The following KCNK9 variants were observed in gnomAD, a reference collection of about 807,000 sequenced individuals.
KCNK9 encodes the protein potassium channel subfamily K member 9.
KCNK9 carries 1 observed loss-of-function variant against 10.8 expected under a neutral mutation model. The ratio of observed to expected loss-of-function variants is 0.09; its 90% CI spans 0.03 to 0.44. The LOEUF is 0.44. Ranked by LOEUF, KCNK9 falls within the 20% of genes least tolerant of loss-of-function variation. The pLI is 0.97. For synonymous variants in KCNK9, 231 were observed against 222.7 expected (o/e 1.04, Z -0.33); for missense variants, 303 against 515.0 (o/e 0.59, Z 3.98).
downstream of KCNK9, among the ~76,000 whole-genome samples, chr8:139,609,427 T>C (rs924297159): frequency 6.6e-6 from 1 of 152,148 alleles, no homozygotes; most frequent in African/African-American, 2.4e-5. Flanking sequence ...GGGGACATAT[T>C]CTCCCAGGAA....
At position 139,693,314 on chromosome 8, in the gene KCNK9, G is replaced by C. The variant is rs1816974540; in HGVS notation, c.283+9396C>G. 1.3e-5 allele frequency among the ~76,000 whole-genome samples: 2 copies of C among 152,136 alleles called. No individual in the cohort carries two copies. Among genetic ancestry groups the C allele is most frequent in the Non-Finnish European group, 2.9e-5 (2 of 68,034 alleles). On this transcript the variant is annotated intron_variant, in intron 1 of 1. Coordinates refer to ENST00000520439, the MANE Select transcript of KCNK9 (RefSeq NM_001282534.2). This position sits in a 1 kb window ranked among gnomAD's most constrained non-coding sequence, Gnocchi z 4.1. ...CCAAGATCACACATCTAAGCCTCAG[G>C]AGTGAGAAGCTCCCCACTCAGCAGG...
intron 1 of KCNK9, among the ~76,000 whole-genome samples, chr8:139,687,447 TAC>T (rs1168328590): frequency 1.3e-4 from 18 of 141,520 alleles, no homozygotes; most frequent in African/African-American, 3.3e-4. Context: ...TATATATGTA[TAC>T]ACATATATAT....
chr8:139,664,083 ACTAAGATTTGAACCCAGCCACAG>A (rs1816237300), intron 1 of KCNK9, among the ~76,000 whole-genome samples: 1 of 152,152 alleles, frequency 6.6e-6, no homozygotes, highest in Non-Finnish European at 1.5e-5. Flanking sequence ...AAGGCCATAC[ACTAAGATTTGAACCCAGCCACAG>A]CTAAGATTTG....
In KCNK9 at chr8:139,646,671, C is replaced by A. The variant is rs184901718; in HGVS notation, c.284-27572G>T. Among the ~76,000 whole-genome samples the A allele has an allele frequency of 1.5e-3, 234 of 152,348 alleles. 5 individuals carry two copies. The highest frequency in any genetic ancestry group is 0.015 in the Admixed American group (232 of 15,302). On this transcript the variant is annotated intron_variant, in intron 1 of 1. Coordinates refer to ENST00000520439, the MANE Select transcript of KCNK9 (RefSeq NM_001282534.2). ...ATGCCAGGGACTATTTGCTGACTGA[C>A]TGAATGAATGAATGAATGCATCCTA...
chr8:139,647,522 C>T (rs58084763), intron 1 of KCNK9, among the ~76,000 whole-genome samples: 4,847 of 152,258 alleles, frequency 0.032, 253 homozygotes, highest in African/African-American at 0.11. Flanking sequence ...GACGTGCACG[C>T]GGCATGTTCC....
intron 1 of KCNK9, among the ~76,000 whole-genome samples, chr8:139,673,525 T>C (rs1816484335): frequency 6.6e-6 from 1 of 152,160 alleles, no homozygotes. Flanking sequence ...TCACTTAGCA[T>C]CCCTGACAGT....
chr8:139,685,666 G>C (rs184868322), intron 1 of KCNK9, among the ~76,000 whole-genome samples: 44 of 152,056 alleles, frequency 2.9e-4, no homozygotes, highest in Non-Finnish European at 5.4e-4. Flanking sequence ...CTACATTTTC[G>C]TTATTTATTC....
intron 1 of KCNK9, among the ~76,000 whole-genome samples, chr8:139,680,981 C>T (rs555479647): frequency 1.3e-5 from 2 of 152,296 alleles, no homozygotes; most frequent in South Asian, 2.1e-4. Flanking sequence ...GCTTTGTAAC[C>T]GTCTCCTCAA....
At chr8:139,676,970 A>AACAG (rs774340422) in intron 1 of KCNK9, among the ~76,000 whole-genome samples, 3 of 151,404 alleles carry the variant, frequency 2.0e-5, no homozygotes, top group Admixed American at 1.3e-4. Flanking sequence ...CAAACAAACA[A>AACAG]ACAGACAGAC....
chr8:139,641,752 G>T (rs1815513357), intron 1 of KCNK9, among the ~76,000 whole-genome samples: 1 of 152,174 alleles, frequency 6.6e-6, no homozygotes, highest in African/African-American at 2.4e-5. Context: ...CCGCTACATG[G>T]CTGCCCTCCT....
intron 1 of KCNK9, among the ~76,000 whole-genome samples, chr8:139,633,100 T>C (rs1208829689): frequency 1.3e-5 from 2 of 152,030 alleles, no homozygotes; most frequent in African/African-American, 4.8e-5. Flanking sequence ...TGACAGGCCA[T>C]GTGCACATAG....
At chr8:139,655,343 A>C (rs975135058) in intron 1 of KCNK9, among the ~76,000 whole-genome samples, 1 of 152,064 alleles carries the variant, frequency 6.6e-6, no homozygotes, top group South Asian at 2.1e-4. Context: ...ACAAAACAAA[A>C]CACTCCTTCC....
rs191445202 is a variant in KCNK9, at chr8:139,607,478, A to G, written c.*1-5877T>C. Among the ~76,000 whole-genome samples the G allele has an allele frequency of 2.6e-3, 390 of 152,300 alleles. 3 individuals are homozygous for G. Among genetic ancestry groups the G allele is most frequent in the African/African-American group, 9.1e-3 (379 of 41,570 alleles). On this transcript the variant is annotated intron_variant, in intron 2 of 2. Coordinates refer to the KCNK9 transcript ENST00000650269. Reference sequence around the variant, plus strand: ...GCCGGGCCCACTGTTGCAGCCCCTCATGCCTCATAGCTGTGTCATCTGAGA... The same window carrying G: ...GCCGGGCCCACTGTTGCAGCCCCTCGTGCCTCATAGCTGTGTCATCTGAGA...
At chr8:139,633,180 C>T (rs1377742172) in intron 1 of KCNK9, among the ~76,000 whole-genome samples, 7 of 152,046 alleles carry the variant, frequency 4.6e-5, no homozygotes, top group Admixed American at 1.3e-4. Flanking sequence ...CTCACATACA[C>T]GAATATACAC....
Position 139,617,160 on chromosome 8 carries a change from T to C in KCNK9, c.*1098A>G, listed in dbSNP as rs1392533401. On this transcript the variant is annotated 3_prime_UTR_variant, in exon 2 of 2. Coordinates refer to ENST00000520439, the MANE Select transcript of KCNK9 (RefSeq NM_001282534.2). ...TATGTATTTTTAATGAGGAATGCCC[T>C]GTCAATTTTCATGAGGAAAAGGAAC... Among the ~76,000 whole-genome samples the C allele has an allele frequency of 5.3e-5, 8 of 152,226 alleles. No individual in the cohort carries two copies. The highest frequency in any genetic ancestry group is 1.2e-4 in the Non-Finnish European group (8 of 68,040).
intron 1 of KCNK9, among the ~76,000 whole-genome samples, chr8:139,620,656 C>T (rs1484961582): frequency 6.6e-6 from 1 of 152,138 alleles, no homozygotes; most frequent in Non-Finnish European, 1.5e-5. Context: ...CAAACTCTCA[C>T]TTGAAAAATG....
downstream of KCNK9, among the ~76,000 whole-genome samples, chr8:139,614,912 T>G (rs914189843): frequency 6.6e-6 from 1 of 152,230 alleles, no homozygotes; most frequent in Admixed American, 6.5e-5. Context: ...AGGTACTGGC[T>G]GGTGGGCTCA....
At chr8:139,642,355 G>T (rs1457508950) in intron 1 of KCNK9, among the ~76,000 whole-genome samples, 1 of 152,170 alleles carries the variant, frequency 6.6e-6, no homozygotes, top group Non-Finnish European at 1.5e-5. Flanking sequence ...GAAAAACTTG[G>T]AAATGGCACC....
intron 1 of KCNK9, among the ~76,000 whole-genome samples, chr8:139,692,459 C>T (rs1031662654): frequency 2.0e-5 from 3 of 152,166 alleles, no homozygotes; most frequent in African/African-American, 7.2e-5. Flanking sequence ...GCCAACTTTC[C>T]CTTTCCCATA....
Sources: allele counts gnomAD v4.1 joint callset (sites outside exome capture counted in the v4.1 genomes callset), GRCh38; gene constraint gnomAD v4.1.1; non-coding constraint Gnocchi (gnomAD v3.1); transcripts MANE v1.5; gene names NCBI Gene and HGNC (gene_info 2026-07-23, HGNC 2026-07-21).